Variants in SLC25A12 observed in about 807,000 individuals in gnomAD.
SLC25A12 encodes electrogenic aspartate/glutamate antiporter SLC25A12, mitochondrial.
A neutral mutation model predicts 83.3 loss-of-function variants in SLC25A12; 32 were observed. The observed-to-expected ratio is 0.38, with a 90% CI of 0.29 to 0.52. The LOEUF (loss-of-function observed/expected upper bound fraction) is 0.52, where lower values mean the gene tolerates loss of function less well. SLC25A12 is among the 20% of genes least tolerant of loss of function. The pLI, the probability that SLC25A12 is intolerant of heterozygous loss-of-function variation, is 0.84. For synonymous variants in SLC25A12, 267 were observed against 291.1 expected (o/e 0.92, Z 0.84); for missense variants, 611 against 835.6 (o/e 0.73, Z 3.31).
intron 13 of SLC25A12, among the ~76,000 whole-genome samples, chr2:171,798,711 T>C (rs554726616): frequency 7.0e-4 from 106 of 152,338 alleles, no homozygotes; most frequent in Non-Finnish European, 1.2e-3. Context: ...GGAAATGCTA[T>C]GGTTCTTTCT....
At chr2:171,793,867 G>A (rs1683540324) in intron 13 of SLC25A12, 100 bp from the exon 14 acceptor site, 1 of 1,394,476 alleles carries the variant, frequency 7.2e-7, no homozygotes, top group Admixed American at 1.7e-5. Flanking sequence ...TTGCTATCTT[G>A]AAAAGAAGGA....
chr2:171,794,788 TTCA>T (rs1448093267), intron 13 of SLC25A12, among the ~76,000 whole-genome samples: 1 of 152,186 alleles, frequency 6.6e-6, no homozygotes, highest in Non-Finnish European at 1.5e-5. Flanking sequence ...TCATATAATA[TTCA>T]TAATGATATT....
At chr2:171,802,349 A>C (rs1034848585) in intron 13 of SLC25A12, among the ~76,000 whole-genome samples, 2 of 152,216 alleles carry the variant, frequency 1.3e-5, no homozygotes, top group African/African-American at 4.8e-5. Context: ...TAGATACTAC[A>C]AACAAATAAA....
At position 171,809,698 on chromosome 2, in the gene SLC25A12, G is replaced by T. The variant is rs578147544; in HGVS notation, c.1225-12C>A. 2.5e-6 allele frequency: 4 copies of T among 1,604,910 alleles called. No individual in the cohort carries two copies. The East Asian group carries it at 8.9e-5, about 36-fold the overall frequency. On this transcript the variant is annotated splice_polypyrimidine_tract_variant and intron_variant, in intron 12 of 17. Transcript: ENST00000422440. ...ACAAAATCATTAACCTAATTAGAAA[G>T]ACAACATCAGTTAACCAAAATTCCC...
At chr2:171,848,079 C>G (rs1290263054) in intron 4 of SLC25A12, 1 of 427,718 alleles carries the variant, frequency 2.3e-6, no homozygotes, top group Admixed American at 2.7e-5. Flanking sequence ...GAAACCCATA[C>G]TGTGTCTCCC....
chr2:171,838,257 GT>G (rs1415374791), intron 5 of SLC25A12, among the ~76,000 whole-genome samples: 7 of 152,106 alleles, frequency 4.6e-5, no homozygotes, highest in Non-Finnish European at 7.4e-5. Context: ...GACATTAAAA[GT>G]AGTTTTTATA....
rs1363822319 is a variant in SLC25A12 at position 171,787,615 on chromosome 2, A to G, written c.1791T>C (p.Thr597=). The change falls in exon 17 of 18, where the codon ACT becomes ACC. Residue 597 remains threonine (T), a synonymous_variant. Transcript: ENST00000422440. ...AAAACCACCGCTGGAGAAGTTCATAAGTGACCAAGGTAACACCAAACTGGG... is the reference window on the plus strand; with the variant it reads ...AAAACCACCGCTGGAGAAGTTCATAGGTGACCAAGGTAACACCAAACTGGG... The part of the protein sequence containing the change: ...SSPQFGVTLV[T]YELLQRWFYI... 7 of 1,614,072 alleles carry G rather than the reference A, an allele frequency of 4.3e-6. No homozygotes were observed. Among genetic ancestry groups the G allele is most frequent in the African/African-American group, 1.3e-5 (1 of 74,928 alleles).
intron 13 of SLC25A12, among the ~76,000 whole-genome samples, chr2:171,799,358 A>G (rs181930064): frequency 6.6e-6 from 1 of 152,350 alleles, no homozygotes; most frequent in African/African-American, 2.4e-5. Context: ...TCACATAAGT[A>G]TGTAGGCATA....
intron 2 of SLC25A12, among the ~76,000 whole-genome samples, chr2:171,872,587 T>C (rs1337521772): frequency 6.6e-6 from 1 of 152,188 alleles, no homozygotes. Context: ...TAGTTCCTGT[T>C]ACCAGTTCCA....
At position 171,833,874 on chromosome 2, in the gene SLC25A12, C is replaced by T. The variant is rs1573969321; in HGVS notation, c.845+89G>A. On this transcript the variant is annotated intron_variant, in intron 8 of 17. Transcript: ENST00000422440. The stretch of plus-strand genomic sequence containing the variant: ...ACTATTCAAATACATGGAAAAAACT[C>T]ATGTTAGAATGAACTAAAAGGACAC... 2.3e-5 allele frequency: 18 copies of T among 789,322 alleles called. No individual in the cohort carries two copies. In the East Asian group the frequency reaches 4.5e-4, roughly 20 times the overall value. The allele number at this position is 789,322 out of a possible 1,614,324, so 48.9% of individuals were successfully genotyped here.
At chr2:171,787,750 G>T (rs925847204) in intron 16 of SLC25A12, 39 bp downstream of exon 16, 13 of 1,611,746 alleles carry the variant, frequency 8.1e-6, no homozygotes, top group Non-Finnish European at 9.3e-6. Context: ...GGACGCTAGA[G>T]CCAGCCAGCC....
intron 3 of SLC25A12, among the ~76,000 whole-genome samples, chr2:171,868,365 G>A (rs1191929396): frequency 1.4e-4 from 19 of 138,208 alleles, no homozygotes; most frequent in Non-Finnish European, 2.6e-4. Flanking sequence ...CCAGGCTGAA[G>A]TGCAGCAGCT....
At chr2:171,819,184 AATACGT>A (rs1325259052) in intron 9 of SLC25A12, among the ~76,000 whole-genome samples, 11 of 137,004 alleles carry the variant, frequency 8.0e-5, no homozygotes, top group African/African-American at 3.0e-4. Flanking sequence ...ATATATGTAT[AATACGT>A]ATTATATATT....
intron 14 of SLC25A12, among the ~76,000 whole-genome samples, chr2:171,792,267 A>T (rs1683493059): frequency 6.6e-6 from 1 of 151,604 alleles, no homozygotes; most frequent in Non-Finnish European, 1.5e-5. Context: ...TGTTTTTTTA[A>T]TGACTCTGTT....
intron 2 of SLC25A12, among the ~76,000 whole-genome samples, chr2:171,888,423 A>AAT (rs376713961): frequency 4.6e-4 from 70 of 150,908 alleles, no homozygotes; most frequent in Non-Finnish European, 6.3e-4. Flanking sequence ...TTCAAATAAA[A>AAT]ATATATATAT....
At chr2:171,805,211 C>T (rs1274677279) in intron 13 of SLC25A12, among the ~76,000 whole-genome samples, 1 of 151,736 alleles carries the variant, frequency 6.6e-6, no homozygotes, top group Non-Finnish European at 1.5e-5. Context: ...TGGGTTCAAG[C>T]GATTCTCCTA....
At chr2:171,875,320 C>T (rs1260195276) in intron 2 of SLC25A12, among the ~76,000 whole-genome samples, 1 of 152,158 alleles carries the variant, frequency 6.6e-6, no homozygotes, top group Non-Finnish European at 1.5e-5. Context: ...CTTTCATTTT[C>T]AATAAATTCC....
intron 2 of SLC25A12, among the ~76,000 whole-genome samples, chr2:171,877,672 G>GT (rs1331477648): frequency 7.5e-5 from 7 of 93,220 alleles, no homozygotes; most frequent in African/African-American, 3.3e-4. Flanking sequence ...TCCATCCCAG[G>GT]AAAAAAAAAA....
rs199931948 is a variant in SLC25A12 at position 171,784,715 on chromosome 2, C to T, written c.*559G>A. ...ATTCAGTGGTAGCAGCACTATGTCT[C>T]GTTATGCCTTTTATCAGCAAATACC... On this transcript the variant is annotated 3_prime_UTR_variant, in exon 18 of 18. Transcript: ENST00000422440. The T allele has an allele frequency of 1.6e-3, 298 of 180,712 alleles. 3 individuals carry two copies. Among genetic ancestry groups the T allele is most frequent in the African/African-American group, 6.6e-3 (279 of 41,988 alleles). 11.2% of individuals were successfully genotyped at this position (180,712 alleles called of 1,614,324 possible). A position where few individuals can be genotyped will look rare whatever the true frequency, so the allele number is the denominator to read the frequency against.
Sources: gnomAD v4.1 joint callset for allele counts (sites outside exome capture counted in the v4.1 genomes callset) on GRCh38, gnomAD v4.1.1 for gene constraint, MANE v1.5 for transcripts, NCBI Gene and HGNC (gene_info 2026-07-23, HGNC 2026-07-21) for gene names.